MORN4: variants seen among roughly 807,000 people sequenced by gnomAD.
MORN4 encodes the protein MORN repeat containing 4.
MORN4 carries 8 observed loss-of-function variants against 16.4 expected under a neutral mutation model. The ratio of observed to expected loss-of-function variants is 0.49; its 90% CI spans 0.29 to 0.88. The LOEUF (loss-of-function observed/expected upper bound fraction) is 0.88. Among genes scored for constraint, MORN4 ranks in the 40% least tolerant of loss-of-function variants. MORN4 has a pLI of 0.09. For missense variants in MORN4, 159 were observed against 182.9 expected (o/e 0.87, Z 0.75); for synonymous variants, 53 against 68.9 (o/e 0.77, Z 1.14).
intron 1 of MORN4, among the ~76,000 whole-genome samples, chr10:97,629,987 CG>C (rs1440662771): frequency 4.8e-5 from 7 of 145,162 alleles, no homozygotes; most frequent in Admixed American, 7.0e-5. Context: ...TTCAGTGGCA[CG>C]ATCTCAGCTT....
intron 1 of MORN4, among the ~76,000 whole-genome samples, chr10:97,621,028 G>A (rs2041287153): frequency 6.6e-6 from 1 of 151,932 alleles, no homozygotes; most frequent in South Asian, 2.1e-4. Flanking sequence ...GGCTGAGGCA[G>A]GAGAATTGCT....
intron 1 of MORN4, among the ~76,000 whole-genome samples, chr10:97,626,603 C>T (rs1451665233): frequency 6.6e-6 from 1 of 151,284 alleles, no homozygotes; most frequent in African/African-American, 2.4e-5. Flanking sequence ...TTTCAGGTGA[C>T]CGTCACCATG....
rs549826197 is a variant in MORN4 at position 97,624,615 on chromosome 10, G to A, written c.-30-4932C>T. On this transcript the variant is annotated intron_variant, in intron 1 of 4. Transcript: ENST00000307450. ...CAAATTTTTTGTTGAGATGGGTATC[G>A]CTATGGTGCCTAGACTGGTCCCGAA... is the stretch of plus-strand genomic sequence containing the variant. Among the ~76,000 whole-genome samples the A allele has an allele frequency of 5.9e-5, 9 of 152,274 alleles. No homozygotes were observed. The East Asian group carries it at 9.6e-4, about 16-fold the overall frequency.
chr10:97,629,101 G>A (rs1464351557), intron 1 of MORN4, among the ~76,000 whole-genome samples: 1 of 152,016 alleles, frequency 6.6e-6, no homozygotes, highest in Non-Finnish European at 1.5e-5. Context: ...GAAAATGATG[G>A]TGTGGGCCGG....
intron 1 of MORN4, among the ~76,000 whole-genome samples, chr10:97,631,460 CT>C (rs1434119844): frequency 1.3e-5 from 2 of 152,096 alleles, no homozygotes; most frequent in Non-Finnish European, 2.9e-5. Context: ...CCAGACATTT[CT>C]TTTTAATTAT....
chr10:97,632,223 T>C (rs930146879), intron 1 of MORN4, among the ~76,000 whole-genome samples: 2 of 141,606 alleles, frequency 1.4e-5, no homozygotes, highest in Admixed American at 1.4e-4. Flanking sequence ...TTTTTTTTTT[T>C]TTTTTTTTTT....
At chr10:97,617,381 T>A in intron 2 of MORN4, 59 bp from the exon 3 acceptor site, 1 of 1,310,742 alleles carries the variant, frequency 7.6e-7, no homozygotes, top group Non-Finnish European at 1.1e-6. Flanking sequence ...GGTCCCTTCT[T>A]ACTCTTGTAG....
At chr10:97,619,730 G>A (rs750311082) in intron 1 of MORN4, 47 bp from the exon 2 acceptor site, 1 of 1,490,700 alleles carries the variant, frequency 6.7e-7, no homozygotes, top group Non-Finnish European at 9.3e-7. Flanking sequence ...AATGGCGGGA[G>A]GAAAGGACTG....
intron 1 of MORN4, among the ~76,000 whole-genome samples, chr10:97,630,990 A>G (rs1251168815): frequency 6.6e-6 from 1 of 152,118 alleles, no homozygotes; most frequent in Non-Finnish European, 1.5e-5. Flanking sequence ...AGCTGGGACT[A>G]CAGGAGCATG....
At chr10:97,626,502 C>A (rs1451262386) in intron 1 of MORN4, among the ~76,000 whole-genome samples, 1 of 148,878 alleles carries the variant, frequency 6.7e-6, no homozygotes, top group African/African-American at 2.5e-5. Flanking sequence ...GTGGCCCAGA[C>A]TGGAGTGCAG....
At chr10:97,631,760 C>T (rs1483500455) in intron 1 of MORN4, among the ~76,000 whole-genome samples, 2 of 152,004 alleles carry the variant, frequency 1.3e-5, no homozygotes, top group Non-Finnish European at 1.5e-5. Flanking sequence ...GTAGTGAGAC[C>T]TCATCTCTAC....
intron 1 of MORN4, among the ~76,000 whole-genome samples, chr10:97,622,583 T>C (rs1258699310): frequency 6.6e-6 from 1 of 150,524 alleles, no homozygotes; most frequent in Non-Finnish European, 1.5e-5. Flanking sequence ...TAGTCCCAGC[T>C]ACTTGGGAGG....
At chr10:97,620,641 A>G (rs999410251) in intron 1 of MORN4, among the ~76,000 whole-genome samples, 1 of 151,998 alleles carries the variant, frequency 6.6e-6, no homozygotes, top group African/African-American at 2.4e-5. Context: ...TTTGGGGAGT[A>G]TTAGGAAATA....
At chr10:97,632,433 AG>A (rs1269171091) in intron 1 of MORN4, among the ~76,000 whole-genome samples, 2 of 151,924 alleles carry the variant, frequency 1.3e-5, no homozygotes, top group Non-Finnish European at 2.9e-5. Context: ...TGGCCAAGCT[AG>A]TTTTGAACTC....
chr10:97,626,128 C>G (rs2041344184), intron 1 of MORN4, among the ~76,000 whole-genome samples: 1 of 150,746 alleles, frequency 6.6e-6, no homozygotes, highest in African/African-American at 2.4e-5. Flanking sequence ...CGCCTGTAAT[C>G]CCAGCACTTT....
At chr10:97,624,614 C>T (rs925794701) in intron 1 of MORN4, among the ~76,000 whole-genome samples, 4 of 152,180 alleles carry the variant, frequency 2.6e-5, no homozygotes, top group East Asian at 1.9e-4. Flanking sequence ...AGATGGGTAT[C>T]GCTATGGTGC....
intron 1 of MORN4, among the ~76,000 whole-genome samples, chr10:97,629,246 G>A (rs565025275): frequency 6.6e-6 from 1 of 152,276 alleles, no homozygotes; most frequent in East Asian, 1.9e-4. Flanking sequence ...AATTAGCTGG[G>A]TGTGGTGGCC....
At chr10:97,618,670 T>C (rs2041260972) in intron 2 of MORN4, among the ~76,000 whole-genome samples, 1 of 152,178 alleles carries the variant, frequency 6.6e-6, no homozygotes, top group Admixed American at 6.6e-5. Context: ...TGCTCTGTTT[T>C]CTGGTCAGTT....
rs146783975 is a variant in MORN4, at chr10:97,622,323, A to C, written c.-30-2640T>G. Among the ~76,000 whole-genome samples, 100 of 152,296 alleles carry C rather than the reference A, an allele frequency of 6.6e-4. No homozygotes were observed. In the South Asian group the frequency reaches 0.01, roughly 15 times the overall value. On this transcript the variant is annotated intron_variant, in intron 1 of 4. Transcript: ENST00000307450. ...CTGGGGGGATACATCATAGGAAAAC[A>C]ATCAGTAACATTTGGGGACTGGCTA...
Sources: allele counts gnomAD v4.1 joint callset (sites outside exome capture counted in the v4.1 genomes callset), GRCh38; gene constraint gnomAD v4.1.1; transcripts MANE v1.5; gene names NCBI Gene and HGNC (gene_info 2026-07-23, HGNC 2026-07-21).